RABGAP1: variants seen among roughly 807,000 people sequenced by gnomAD.
RABGAP1 encodes RAB GTPase activating protein 1.
A neutral mutation model predicts 137.6 loss-of-function variants in RABGAP1; 23 were observed. The ratio of observed to expected loss-of-function variants is 0.17; its 90% confidence interval spans 0.12 to 0.24. The LOEUF is 0.24. RABGAP1 is among the 10% of genes least tolerant of loss of function. The probability of loss-of-function intolerance (pLI) is 1.00; values close to 1 mark genes in which losing one functional copy is unlikely to be tolerated. For synonymous variants in RABGAP1, 451 were observed against 450.7 expected, an observed-to-expected ratio of 1.00 and a Z score of -0.01; for missense variants, 906 against 1,275.8, an observed-to-expected ratio of 0.71 and a Z score of 4.42.
At chr9:122,977,862 T>C (rs1197910159) in intron 2 of RABGAP1, among the ~76,000 whole-genome samples, 1 of 152,150 alleles carries the variant, frequency 6.6e-6, no homozygotes, top group Admixed American at 6.5e-5. Flanking sequence ...GTAGATACCA[T>C]ACAGTGGCAC....
intron 2 of RABGAP1, among the ~76,000 whole-genome samples, chr9:122,959,768 TATC>T (rs1245993323): frequency 6.6e-6 from 1 of 152,184 alleles, no homozygotes; most frequent in Non-Finnish European, 1.5e-5. Flanking sequence ...AGGAGCAAGA[TATC>T]ATTATTTCTC....
chr9:122,964,371 A>C (rs1384684423), intron 2 of RABGAP1, among the ~76,000 whole-genome samples: 1 of 152,212 alleles, frequency 6.6e-6, no homozygotes, highest in Non-Finnish European at 1.5e-5. Flanking sequence ...ACATACCATG[A>C]TCAAGTGGGA....
At chr9:123,021,303 A>C (rs2031616137) in intron 13 of RABGAP1, among the ~76,000 whole-genome samples, 1 of 151,454 alleles carries the variant, frequency 6.6e-6, no homozygotes, top group Admixed American at 6.6e-5. Flanking sequence ...TAAAAAAAAA[A>C]AAAAAACCTT....
chr9:123,059,246 A>G (rs982111941), intron 13 of RABGAP1, among the ~76,000 whole-genome samples: 1 of 152,164 alleles, frequency 6.6e-6, no homozygotes, highest in African/African-American at 2.4e-5. Context: ...ATGTCCCCCC[A>G]AAATTCATAT....
intron 13 of RABGAP1, among the ~76,000 whole-genome samples, chr9:123,051,854 C>T (rs971291367): frequency 2.0e-4 from 31 of 151,398 alleles, no homozygotes; most frequent in African/African-American, 5.6e-4. Flanking sequence ...TGCAGTGGCG[C>T]AGTCTTGGCT....
intron 13 of RABGAP1, among the ~76,000 whole-genome samples, chr9:123,036,485 A>G (rs974937295): frequency 2.6e-5 from 4 of 152,250 alleles, no homozygotes; most frequent in Non-Finnish European, 5.9e-5. Context: ...CCATTTTATA[A>G]TGGTGACTAT....
At chr9:123,066,660 TC>T (rs1295379772) in intron 14 of RABGAP1, among the ~76,000 whole-genome samples, 2 of 152,168 alleles carry the variant, frequency 1.3e-5, no homozygotes, top group Admixed American at 6.5e-5. Context: ...CTACACCATC[TC>T]CCTGGGTGAT....
chr9:123,098,911 TCCTGGCTCTGCC>T, intron 23 of RABGAP1, 113 bp downstream of exon 23: 1 of 611,954 alleles, frequency 1.6e-6, no homozygotes, highest in Non-Finnish European at 2.9e-6. Context: ...TGGTTTCAGA[TCCTGGCTCTGCC>T]CCTGCACTGA....
chr9:122,996,226 T>C (rs1241806178), intron 7 of RABGAP1, 75 bp downstream of exon 7: 20 of 1,489,592 alleles, frequency 1.3e-5, no homozygotes, highest in East Asian at 2.4e-5. Flanking sequence ...TTTTACACTG[T>C]ATTAAAAAAT....
chr9:123,012,264 A>G (rs925937814), intron 11 of RABGAP1, among the ~76,000 whole-genome samples: 1 of 152,246 alleles, frequency 6.6e-6, no homozygotes, highest in African/African-American at 2.4e-5. Flanking sequence ...TCTGTTGTGT[A>G]ACAGTCTTGA....
chr9:123,044,320 A>G (rs901305393), intron 13 of RABGAP1, among the ~76,000 whole-genome samples: 1 of 152,234 alleles, frequency 6.6e-6, no homozygotes. Flanking sequence ...GAAATAGTAA[A>G]TGGGGGCATA....
At chr9:123,008,116 A>G (rs1443263311) in intron 10 of RABGAP1, among the ~76,000 whole-genome samples, 1 of 152,040 alleles carries the variant, frequency 6.6e-6, no homozygotes, top group Non-Finnish European at 1.5e-5. Context: ...AACAATTAAC[A>G]TTTTTCATAG....
intron 13 of RABGAP1, among the ~76,000 whole-genome samples, chr9:123,057,838 G>A (rs961487126): frequency 4.6e-5 from 7 of 152,228 alleles, no homozygotes; most frequent in African/African-American, 9.6e-5. Flanking sequence ...ATCACTCGCG[G>A]CCAGGAGCTG....
intron 1 of RABGAP1, among the ~76,000 whole-genome samples, chr9:122,950,399 T>TC (rs3049190): frequency 1.4e-5 from 2 of 138,134 alleles, no homozygotes; most frequent in Non-Finnish European, 3.1e-5. Context: ...TTTTTTTTTT[T>TC]GATGTTGTTT....
intron 19 of RABGAP1, 82 bp from the exon 20 acceptor site, chr9:123,089,676 G>C: frequency 9.4e-7 from 1 of 1,062,826 alleles, no homozygotes; most frequent in South Asian, 1.5e-5. Context: ...CAGGCCACCA[G>C]AAGTCTTGGT....
At chr9:123,029,666 C>T in intron 13 of RABGAP1, 1 of 701,770 alleles carries the variant, frequency 1.4e-6, no homozygotes. Flanking sequence ...TTCTTTTTGG[C>T]CTTGCCCCCG....
chr9:122,988,734 G>C (rs1836500070), intron 4 of RABGAP1, among the ~76,000 whole-genome samples: 1 of 151,954 alleles, frequency 6.6e-6, no homozygotes, highest in Non-Finnish European at 1.5e-5. Context: ...GATCACCTGA[G>C]GTCGGAAGAT....
intron 11 of RABGAP1, among the ~76,000 whole-genome samples, chr9:123,012,813 G>A (rs999458064): frequency 6.6e-6 from 1 of 152,210 alleles, no homozygotes; most frequent in Non-Finnish European, 1.5e-5. Context: ...GTTAATAACA[G>A]GAGAACTGGG....
At chr9:123,022,378 C>T (rs2131937803) in intron 13 of RABGAP1, among the ~76,000 whole-genome samples, 1 of 152,202 alleles carries the variant, frequency 6.6e-6, no homozygotes, top group African/African-American at 2.4e-5. Context: ...GTGATGTGTA[C>T]TTTATATTTC....
Sources: allele counts gnomAD v4.1 joint callset (sites outside exome capture counted in the v4.1 genomes callset), GRCh38; gene constraint gnomAD v4.1.1; transcripts MANE v1.5; gene names NCBI Gene and HGNC (gene_info 2026-07-23, HGNC 2026-07-21).